ZRANB3: variants seen among roughly 807,000 people sequenced by gnomAD.
The protein encoded by ZRANB3 is DNA annealing helicase and endonuclease ZRANB3.
ZRANB3 carries 125 observed loss-of-function variants against 133.8 expected under a neutral mutation model. The ratio of observed to expected loss-of-function variants is 0.93; its 90% CI spans 0.81 to 1.08. The LOEUF is 1.08. Ranked by LOEUF, ZRANB3 falls within the 50% of genes least tolerant of loss-of-function variation. ZRANB3 has a pLI of 0.00. For missense variants in ZRANB3, 1,229 were observed against 1,275.5 expected (o/e 0.96, Z 0.56); for synonymous variants, 387 against 432.7 (o/e 0.89, Z 1.31).
Position 135,207,693 on chromosome 2 carries a change from T to A in ZRANB3, c.2750A>T (p.Gln917Leu). The change falls in exon 19 of 21, where the codon CAA (glutamine) becomes CTA (leucine). Residue 917 changes from glutamine (Q) to leucine (L), a missense_variant. By Grantham distance (113) the Gln-to-Leu change is moderately radical (BLOSUM62 -2). Transcript: ENST00000264159. ...TGCTTGCTTAGTCTGGCAAGTGGGT[T>A]GCTGACAGCGAAGGCAAAGTGGATT... ...EGNPLCLRCQ[Q>L]PTCQTKQACK... 1 of 1,614,040 alleles carries A rather than the reference T, an allele frequency of 6.2e-7. No individual in the cohort carries two copies. Among genetic ancestry groups the A allele is most frequent in the Non-Finnish European group, 8.5e-7 (1 of 1,179,906 alleles).
intron 2 of ZRANB3, among the ~76,000 whole-genome samples, chr2:135,460,539 T>C (rs1166282380): frequency 6.6e-6 from 1 of 152,152 alleles, no homozygotes; most frequent in Admixed American, 6.5e-5. Flanking sequence ...AGTGCTGGGA[T>C]TGCAGGTGTG....
At chr2:135,452,557 G>C (rs893334381) in intron 2 of ZRANB3, among the ~76,000 whole-genome samples, 1 of 152,178 alleles carries the variant, frequency 6.6e-6, no homozygotes, top group Non-Finnish European at 1.5e-5. Context: ...GGATACAATG[G>C]GAGTACAGGT....
At position 135,198,090 on chromosome 2, in the gene ZRANB3, G is replaced by C. The variant is rs1452865109; in HGVS notation, c.*2252C>G. The C allele has an allele frequency of 6.6e-6, 1 of 152,216 alleles. No homozygotes were observed. Among genetic ancestry groups the C allele is most frequent in the East Asian group, 1.9e-4 (1 of 5,186 alleles). 9.4% of individuals were successfully genotyped at this position (152,216 alleles called of 1,614,324 possible). A position where few individuals can be genotyped will look rare whatever the true frequency, so the allele number is the denominator to read the frequency against. On this transcript the variant is annotated 3_prime_UTR_variant, in exon 21 of 21. Transcript: ENST00000264159. ...TGTTTTCACTCCATCTCCATCTCCT[G>C]AGTGGCAGCAGCTGTCTTCTTCCTG...
chr2:135,461,868 G>A (rs1277821813), intron 2 of ZRANB3, among the ~76,000 whole-genome samples: 5 of 152,130 alleles, frequency 3.3e-5, no homozygotes, highest in African/African-American at 9.7e-5. Context: ...TGAAAAGATC[G>A]TTAGCAGGAT....
intron 20 of ZRANB3, 60 bp downstream of exon 20, chr2:135,202,772 G>A: frequency 6.5e-7 from 1 of 1,537,434 alleles, no homozygotes. Flanking sequence ...ACAACTGTGT[G>A]CACAATTTTC....
intron 3 of ZRANB3, among the ~76,000 whole-genome samples, chr2:135,372,382 C>T (rs1686222728): frequency 6.6e-6 from 1 of 152,078 alleles, no homozygotes; most frequent in African/African-American, 2.4e-5. Flanking sequence ...TTATAGGAGT[C>T]AGATGGGATC....
intron 2 of ZRANB3, among the ~76,000 whole-genome samples, chr2:135,413,574 T>C (rs959278881): frequency 1.3e-5 from 2 of 152,182 alleles, no homozygotes; most frequent in African/African-American, 4.8e-5. Flanking sequence ...TTTAATTGGC[T>C]TAGTGATTTT....
chr2:135,393,285 A>G lies in ZRANB3; in HGVS notation c.162-2465T>C, dbSNP rs79762714. ...AACAAGCCAACAGATTAGAAAACTA[A>G]AAAGCAATACTTGGAAAAACATGAT... On this transcript the variant is annotated intron_variant, in intron 2 of 20. Coordinates refer to ENST00000264159, the MANE Select transcript of ZRANB3 (RefSeq NM_032143.4). 4.3e-4 allele frequency among the ~76,000 whole-genome samples: 65 copies of G among 152,338 alleles called. 1 individual carries two copies. In the East Asian group the frequency reaches 0.011, roughly 26 times the overall value.
chr2:135,274,594 C>G (rs1459581951), intron 9 of ZRANB3, among the ~76,000 whole-genome samples: 1 of 151,676 alleles, frequency 6.6e-6, no homozygotes, highest in African/African-American at 2.4e-5. Context: ...TTTTAGCAAC[C>G]TTTTTTTAAA....
At chr2:135,496,997 CA>C (rs759104029) in intron 2 of ZRANB3, among the ~76,000 whole-genome samples, 1 of 151,966 alleles carries the variant, frequency 6.6e-6, no homozygotes, top group Non-Finnish European at 1.5e-5. Flanking sequence ...TAATTAACAG[CA>C]AAAGATAAAA....
At chr2:135,265,794 C>G in intron 11 of ZRANB3, 108 bp from the exon 12 acceptor site, 2 of 1,178,018 alleles carry the variant, frequency 1.7e-6, no homozygotes, top group Non-Finnish European at 2.3e-6. Context: ...CTAAGAAAAT[C>G]TTACTGTTCC....
In ZRANB3 at chr2:135,207,690, G is replaced by C; in HGVS notation, c.2753C>G (p.Pro918Arg). 5 of 1,613,988 alleles carry C rather than the reference G, an allele frequency of 3.1e-6. No homozygotes were observed. Among genetic ancestry groups the C allele is most frequent in the Non-Finnish European group, 4.2e-6 (5 of 1,179,902 alleles). The change falls in exon 19 of 21, where the codon CCC (proline) becomes CGC (arginine). Residue 918 changes from proline (P) to arginine (R), a missense_variant. By Grantham distance (103) the Pro-to-Arg change is moderately radical (BLOSUM62 -2). Coordinates refer to ENST00000264159, the MANE Select transcript of ZRANB3 (RefSeq NM_032143.4). ...GNPLCLRCQQ[P>R]TCQTKQACKA... ...ACATGCTTGCTTAGTCTGGCAAGTG[G>C]GTTGCTGACAGCGAAGGCAAAGTGG...
At chr2:135,399,746 C>A (rs1405511318) in intron 2 of ZRANB3, among the ~76,000 whole-genome samples, 1 of 152,148 alleles carries the variant, frequency 6.6e-6, no homozygotes, top group African/African-American at 2.4e-5. Flanking sequence ...CAATAACATG[C>A]TTTTGAATGA....
At chr2:135,206,596 A>T (rs1259641430) in intron 19 of ZRANB3, among the ~76,000 whole-genome samples, 1 of 151,908 alleles carries the variant, frequency 6.6e-6, no homozygotes, top group African/African-American at 2.4e-5. Flanking sequence ...TAATTAAGGA[A>T]TTGTAATTGT....
chr2:135,502,533 T>C (rs796511223), intron 2 of ZRANB3, among the ~76,000 whole-genome samples: 2 of 152,180 alleles, frequency 1.3e-5, no homozygotes, highest in Non-Finnish European at 2.9e-5. Flanking sequence ...GAATCTGAAG[T>C]ATGAATTGTT....
intron 2 of ZRANB3, among the ~76,000 whole-genome samples, chr2:135,481,248 C>T (rs2104793215): frequency 6.6e-6 from 1 of 150,956 alleles, no homozygotes; most frequent in South Asian, 2.1e-4. Context: ...AAAAGTGTTC[C>T]TATTTCTCCA....
intron 3 of ZRANB3, among the ~76,000 whole-genome samples, chr2:135,370,234 G>A (rs1686115191): frequency 1.3e-5 from 2 of 151,284 alleles, no homozygotes; most frequent in African/African-American, 4.9e-5. Flanking sequence ...GGTTATATGA[G>A]TAAGTTCTTT....
intron 12 of ZRANB3, among the ~76,000 whole-genome samples, chr2:135,233,073 A>G (rs553374426): frequency 4.7e-4 from 72 of 152,206 alleles, no homozygotes; most frequent in Non-Finnish European, 9.0e-4. Flanking sequence ...GCTAACTAGA[A>G]TACCCGATGC....
At chr2:135,240,438 C>T (rs982516640) in intron 12 of ZRANB3, among the ~76,000 whole-genome samples, 9 of 152,242 alleles carry the variant, frequency 5.9e-5, no homozygotes, top group Admixed American at 2.6e-4. Context: ...GTTCAGCAAA[C>T]ATGCACAAAT....
Sources: gnomAD v4.1 joint callset for allele counts (sites outside exome capture counted in the v4.1 genomes callset) on GRCh38, gnomAD v4.1.1 for gene constraint, MANE v1.5 for transcripts, NCBI Gene and HGNC (gene_info 2026-07-23, HGNC 2026-07-21) for gene names.